YAE1: variants seen among roughly 807,000 people sequenced by gnomAD.
The protein encoded by YAE1 is YAE1 maturation factor of ABCE1, also known as protein YAE1 homolog.
YAE1 carries 22 observed loss-of-function variants against 23.0 expected under a neutral mutation model. The ratio of observed to expected loss-of-function variants is 0.96; its 90% CI spans 0.68 to 1.37. YAE1 has a LOEUF of 1.37. Ranked by LOEUF, YAE1 falls within the 40% of genes most tolerant of loss-of-function variation. The pLI, the probability that YAE1 is intolerant of heterozygous loss-of-function variation, is 0.00. For missense variants in YAE1, 260 were observed against 262.1 expected, an observed-to-expected ratio of 0.99 and a Z score of 0.06; for synonymous variants, 101 against 97.0, an observed-to-expected ratio of 1.04 and a Z score of -0.24.
At chr7:39,578,309 A>G (rs563799579) in intron 2 of YAE1, among the ~76,000 whole-genome samples, 1 of 152,358 alleles carries the variant, frequency 6.6e-6, no homozygotes, top group African/African-American at 2.4e-5. Flanking sequence ...AAACAGACCG[A>G]TCAGCTCTCT....
intron 2 of YAE1, among the ~76,000 whole-genome samples, chr7:39,602,148 C>T (rs540755695): frequency 1.3e-5 from 2 of 152,274 alleles, no homozygotes; most frequent in Admixed American, 6.5e-5. Context: ...AACTAGAGGA[C>T]TCAAAGAGAC....
rs1404602280 is a variant in YAE1 at position 39,572,802 on chromosome 7, G to A, written c.*96G>A. The A allele has an allele frequency of 1.4e-6, 2 of 1,468,388 alleles. No individual in the cohort carries two copies. The highest frequency in any genetic ancestry group is 5.4e-5 in the Admixed American group (2 of 37,064). 91.0% of individuals were successfully genotyped at this position (1,468,388 alleles called of 1,614,324 possible). A position where few individuals can be genotyped will look rare whatever the true frequency, so the allele number is the denominator to read the frequency against. On this transcript the variant is annotated 3_prime_UTR_variant, in exon 3 of 3. Coordinates refer to ENST00000223273, the MANE Select transcript of YAE1 (RefSeq NM_020192.5). Reference sequence around the variant, plus strand: ...GGTTTCTGCATCAAACACCTCAACTGTAGGGTTACCCTTTATGGAAGTTTG... The same window carrying A: ...GGTTTCTGCATCAAACACCTCAACTATAGGGTTACCCTTTATGGAAGTTTG...
intron 2 of YAE1, among the ~76,000 whole-genome samples, chr7:39,607,149 A>G (rs558669031): frequency 6.6e-6 from 1 of 152,260 alleles, no homozygotes; most frequent in East Asian, 1.9e-4. Context: ...ACTTAATGTC[A>G]TAAGTTTTCC....
At chr7:39,575,576 G>GAA (rs1790644128), downstream of YAE1, among the ~76,000 whole-genome samples, 1 of 91,900 alleles carries the variant, frequency 1.1e-5, no homozygotes, top group Non-Finnish European at 2.0e-5. Flanking sequence ...GAGAGAGAGA[G>GAA]AGTGAGTGTG....
intron 2 of YAE1, among the ~76,000 whole-genome samples, chr7:39,598,967 C>T (rs977957861): frequency 1.3e-5 from 2 of 151,878 alleles, no homozygotes; most frequent in Non-Finnish European, 2.9e-5. Flanking sequence ...AGCTCAGGTG[C>T]CAGGCCATCT....
At chr7:39,608,672 G>A (rs1219598990) in intron 2 of YAE1, among the ~76,000 whole-genome samples, 1 of 152,168 alleles carries the variant, frequency 6.6e-6, no homozygotes, top group Admixed American at 6.5e-5. Context: ...CATGATTACA[G>A]TCTAAACAAA....
chr7:39,570,205 C>T (rs1237418567), intron 1 of YAE1: 32 of 647,370 alleles, frequency 4.9e-5, no homozygotes, highest in South Asian at 3.9e-4. Context: ...CCATGTCTGC[C>T]GCTTGCCCAC....
At chr7:39,601,558 G>A (rs1019461326) in intron 2 of YAE1, among the ~76,000 whole-genome samples, 5 of 151,960 alleles carry the variant, frequency 3.3e-5, no homozygotes, top group Non-Finnish European at 5.9e-5. Context: ...TCAGGAGTTC[G>A]AGATCAGCTT....
At chr7:39,609,508 T>A in intron 2 of YAE1, 6 of 1,406,472 alleles carry the variant, frequency 4.3e-6, no homozygotes, top group Non-Finnish European at 5.7e-6. Context: ...ATCTTCGTTA[T>A]AAGTTTATCA....
chr7:39,596,028 CT>C lies in YAE1; in HGVS notation c.252-13587del, dbSNP rs774277468. Among the ~76,000 whole-genome samples, 7 of 152,148 alleles carry C rather than the reference CT, an allele frequency of 4.6e-5. No individual in the cohort carries two copies. The East Asian group carries it at 9.6e-4, about 21-fold the overall frequency. On this transcript the variant is annotated intron_variant, in intron 2 of 2. Transcript: ENST00000432096. ...CTATGCCTTTTTCTTGATATCTGGT[CT>C]TAACAATAGAGCTACAAGAGACAAA...
intron 2 of YAE1, among the ~76,000 whole-genome samples, chr7:39,602,730 TTTTGTTTG>T (rs146264281): frequency 5.5e-4 from 84 of 151,402 alleles, no homozygotes; most frequent in Middle Eastern, 6.8e-3. Flanking sequence ...AAGTTTGGTT[TTTTGTTTG>T]TTTGTTTGTT....
intron 2 of YAE1, among the ~76,000 whole-genome samples, chr7:39,599,823 A>G (rs916520137): frequency 2.1e-4 from 32 of 152,050 alleles, no homozygotes; most frequent in African/African-American, 6.8e-4. Flanking sequence ...TCCTGACCTC[A>G]GGTGATCCAC....
intron 2 of YAE1, among the ~76,000 whole-genome samples, chr7:39,595,218 T>C (rs1298737682): frequency 6.6e-6 from 1 of 152,056 alleles, no homozygotes; most frequent in Non-Finnish European, 1.5e-5. Flanking sequence ...AGAAACATTA[T>C]AGACTAGGGA....
intron 2 of YAE1, among the ~76,000 whole-genome samples, chr7:39,583,203 T>A (rs1341632717): frequency 1.3e-5 from 2 of 152,186 alleles, no homozygotes; most frequent in Non-Finnish European, 2.9e-5. Flanking sequence ...ACAAGGAATA[T>A]GTTATATTTT....
intron 2 of YAE1, among the ~76,000 whole-genome samples, chr7:39,585,571 T>C (rs1359628706): frequency 2.0e-5 from 3 of 152,234 alleles, no homozygotes; most frequent in Non-Finnish European, 4.4e-5. Context: ...CCACCCGTTC[T>C]GTGGTACCTC....
At chr7:39,599,320 G>A (rs886371176) in intron 2 of YAE1, among the ~76,000 whole-genome samples, 3 of 152,240 alleles carry the variant, frequency 2.0e-5, no homozygotes, top group South Asian at 2.1e-4. Flanking sequence ...TTCTTCATTC[G>A]TAAATGAGGT....
downstream of YAE1, among the ~76,000 whole-genome samples, chr7:39,574,563 T>C (rs1240993233): frequency 6.6e-6 from 1 of 151,616 alleles, no homozygotes; most frequent in African/African-American, 2.4e-5. Context: ...TGAAACCCCG[T>C]CTCTGCTAAA....
In YAE1 at chr7:39,570,517, A is replaced by T; in HGVS notation, c.141A>T (p.Arg47Ser). The T allele has an allele frequency of 3.1e-6, 5 of 1,612,152 alleles. No individual in the cohort carries two copies. Among genetic ancestry groups the T allele is most frequent in the Middle Eastern group, 1.7e-4 (1 of 6,052 alleles). ...TTACTTATTTTTAGGAAGGTTATAG[A>T]GATGGAATAGATGCTGGCAAAGCAG... Reference protein sequence around the residue: ...NMQRRVKEGYRDGIDAGKAVT... With the variant: ...NMQRRVKEGYSDGIDAGKAVT... The change falls in exon 2 of 3, where the codon AGA (arginine) becomes AGT (serine). Residue 47 changes from arginine (R) to serine (S), a missense_variant. By Grantham distance (110) the Arg-to-Ser change is moderately radical. Coordinates refer to ENST00000223273, the MANE Select transcript of YAE1 (RefSeq NM_020192.5).
intron 1 of YAE1, chr7:39,570,259 T>C: frequency 6.3e-6 from 4 of 639,274 alleles, no homozygotes; most frequent in Non-Finnish European, 5.3e-6. Flanking sequence ...TTTTAAAAAC[T>C]GTGACTATCA....
Sources: allele counts gnomAD v4.1 joint callset (sites outside exome capture counted in the v4.1 genomes callset), GRCh38; gene constraint gnomAD v4.1.1; transcripts MANE v1.5; gene names NCBI Gene and HGNC (gene_info 2026-07-23, HGNC 2026-07-21).